MKLN1: variants seen among roughly 807,000 people sequenced by gnomAD.
MKLN1 encodes the protein muskelin 1.
In MKLN1, 18 loss-of-function variants were observed where a neutral mutation model predicts 99.0. The observed-to-expected ratio is 0.18, with a 90% CI of 0.13 to 0.27. The LOEUF is 0.27. MKLN1 is among the 10% of genes least tolerant of loss of function. The pLI is 1.00. For synonymous variants in MKLN1, 288 were observed against 293.2 expected, an observed-to-expected ratio of 0.98 and a Z score of 0.18; for missense variants, 621 against 875.9, an observed-to-expected ratio of 0.71 and a Z score of 3.67.
At chr7:131,438,471 G>C (rs1795738029) in intron 10 of MKLN1, among the ~76,000 whole-genome samples, 1 of 147,106 alleles carries the variant, frequency 6.8e-6, no homozygotes, top group Non-Finnish European at 1.5e-5. Context: ...AGGGGAATTT[G>C]ACATACTAGA....
chr7:131,401,902 T>G (rs1280934377), intron 6 of MKLN1, among the ~76,000 whole-genome samples: 3 of 152,220 alleles, frequency 2.0e-5, no homozygotes, highest in Non-Finnish European at 2.9e-5. Flanking sequence ...TGAGTTATAC[T>G]CTTTTTGCTA....
At chr7:131,263,135 T>C (rs1056596521) in intron 3 of MKLN1, among the ~76,000 whole-genome samples, 5 of 152,118 alleles carry the variant, frequency 3.3e-5, no homozygotes, top group Non-Finnish European at 7.3e-5. Context: ...TATTAGGCTG[T>C]ACATAATGTC....
At chr7:131,403,773 C>T (rs956361293) in intron 6 of MKLN1, among the ~76,000 whole-genome samples, 3 of 152,090 alleles carry the variant, frequency 2.0e-5, no homozygotes, top group African/African-American at 7.2e-5. Context: ...TGCCTCAAAA[C>T]AATTACATTA....
chr7:131,198,750 T>A (rs1796684540), intron 2 of MKLN1, among the ~76,000 whole-genome samples: 1 of 152,120 alleles, frequency 6.6e-6, no homozygotes, highest in South Asian at 2.1e-4. Flanking sequence ...TGACTATTAT[T>A]TTCATGAATT....
At chr7:131,337,264 G>T (rs895946571) in intron 1 of MKLN1, among the ~76,000 whole-genome samples, 1 of 152,056 alleles carries the variant, frequency 6.6e-6, no homozygotes, top group Non-Finnish European at 1.5e-5. Context: ...CTGATCAGCT[G>T]TGAAAAAATT....
At chr7:131,196,897 T>C (rs1200513843) in intron 2 of MKLN1, among the ~76,000 whole-genome samples, 2 of 152,168 alleles carry the variant, frequency 1.3e-5, no homozygotes, top group African/African-American at 4.8e-5. Context: ...TGTATACATA[T>C]ACACCCCTCT....
chr7:131,121,227 G>A (rs1375116961), intron 1 of MKLN1, among the ~76,000 whole-genome samples: 35 of 152,028 alleles, frequency 2.3e-4, no homozygotes, highest in Admixed American at 2.3e-3. Flanking sequence ...AACAGCAAGG[G>A]GGAAATCCGC....
chr7:131,204,782 A>C (rs999931319), intron 3 of MKLN1, among the ~76,000 whole-genome samples: 4 of 152,166 alleles, frequency 2.6e-5, no homozygotes, highest in Non-Finnish European at 4.4e-5. Flanking sequence ...TGGCTACAAA[A>C]AATTAGCCAG....
intron 1 of MKLN1, among the ~76,000 whole-genome samples, chr7:131,132,162 AC>A (rs1795561430): frequency 1.3e-5 from 2 of 152,356 alleles, no homozygotes; most frequent in African/African-American, 4.8e-5. Flanking sequence ...TAGTATATCA[AC>A]ATTTCAAGTG....
chr7:131,370,017 TA>T (rs1170921712), intron 1 of MKLN1, among the ~76,000 whole-genome samples: 1 of 152,196 alleles, frequency 6.6e-6, no homozygotes, highest in East Asian at 1.9e-4. Flanking sequence ...TTTGTATTTT[TA>T]GTATTAACGG....
At chr7:131,481,493 G>A (rs894437562) in intron 17 of MKLN1, among the ~76,000 whole-genome samples, 3 of 152,070 alleles carry the variant, frequency 2.0e-5, no homozygotes, top group Admixed American at 6.6e-5. Context: ...TCTTGAGCCC[G>A]AGAGTTCAAG....
chr7:131,456,987 C>T (rs1444081646), intron 12 of MKLN1, among the ~76,000 whole-genome samples: 2 of 151,720 alleles, frequency 1.3e-5, no homozygotes, highest in Non-Finnish European at 2.9e-5. Context: ...ATTATTAAAA[C>T]AGATGAACGG....
chr7:131,407,605 T>G (rs1682594138), intron 6 of MKLN1, among the ~76,000 whole-genome samples: 1 of 151,916 alleles, frequency 6.6e-6, no homozygotes, highest in Non-Finnish European at 1.5e-5. Flanking sequence ...CTTTAAGATT[T>G]TGTTTCTTAG....
At chr7:131,270,881 G>A (rs1166081689) in intron 3 of MKLN1, among the ~76,000 whole-genome samples, 2 of 150,210 alleles carry the variant, frequency 1.3e-5, no homozygotes, top group Admixed American at 6.6e-5. Context: ...TCTTTTAACT[G>A]GGGTCTTTCC....
chr7:131,280,649 A>AT (rs138186803), intron 3 of MKLN1, among the ~76,000 whole-genome samples: 6 of 147,576 alleles, frequency 4.1e-5, no homozygotes, highest in African/African-American at 7.5e-5. Context: ...TTTTCTTTTA[A>AT]TTTTTTTTTT....
chr7:131,454,520 A>G (rs557044232), intron 12 of MKLN1, among the ~76,000 whole-genome samples: 1 of 152,330 alleles, frequency 6.6e-6, no homozygotes, highest in East Asian at 1.9e-4. Context: ...CAACTTTCAA[A>G]GAGAAGGATG....
At chr7:131,426,909 C>T (rs563026712) in intron 8 of MKLN1, among the ~76,000 whole-genome samples, 6 of 152,166 alleles carry the variant, frequency 3.9e-5, no homozygotes, top group Admixed American at 3.9e-4. Context: ...TGTGTGCCAC[C>T]ATGCCAGGCT....
At chr7:131,286,935 A>G (rs1405626652) in intron 3 of MKLN1, among the ~76,000 whole-genome samples, 1 of 152,130 alleles carries the variant, frequency 6.6e-6, no homozygotes, top group African/African-American at 2.4e-5. Context: ...ACAAGGCCCC[A>G]TATATACTTT....
chr7:131,149,633 T>C (rs1431921397), intron 2 of MKLN1, among the ~76,000 whole-genome samples: 1 of 152,244 alleles, frequency 6.6e-6, no homozygotes, highest in African/African-American at 2.4e-5. Flanking sequence ...GGTAAATTAC[T>C]TTTAAAAACC....
Sources: gnomAD v4.1 joint callset for allele counts (sites outside exome capture counted in the v4.1 genomes callset) on GRCh38, gnomAD v4.1.1 for gene constraint, MANE v1.5 for transcripts, NCBI Gene and HGNC (gene_info 2026-07-23, HGNC 2026-07-21) for gene names.